Variants in NRXN2 observed in about 807,000 individuals in gnomAD.
NRXN2 encodes neurexin 2, also known as neurexin-2-beta.
In NRXN2, 29 loss-of-function variants were observed where a neutral mutation model predicts 128.8. The ratio of observed to expected loss-of-function variants is 0.23; its 90% CI spans 0.17 to 0.31. The LOEUF (loss-of-function observed/expected upper bound fraction) is 0.31, where lower values mean the gene tolerates loss of function less well. Ranked by LOEUF, NRXN2 falls within the 10% of genes least tolerant of loss-of-function variation. The pLI is 1.00. For synonymous variants in NRXN2, 1,098 were observed against 1,075.2 expected, an observed-to-expected ratio of 1.02 and a Z score of -0.41; for missense variants, 1,881 against 2,452.6, an observed-to-expected ratio of 0.77 and a Z score of 4.92.
At chr11:64,720,252 T>C (rs1196059454) in intron 1 of NRXN2, among the ~76,000 whole-genome samples, 1 of 152,204 alleles carries the variant, frequency 6.6e-6, no homozygotes, top group Admixed American at 6.5e-5. Context: ...ACCAGACTAT[T>C]TGTTGAATGA....
intron 6 of NRXN2, among the ~76,000 whole-genome samples, chr11:64,683,777 A>G (rs1247473448): frequency 1.3e-5 from 2 of 152,202 alleles, no homozygotes; most frequent in Admixed American, 1.3e-4. Flanking sequence ...TTCTGGTAGA[A>G]CAATCCAGGG....
In NRXN2 at chr11:64,635,399, G is replaced by A. The variant is rs1265841462; in HGVS notation, c.3457C>T (p.Pro1153Ser). ...CTCGTGCTGGGCCTGTCATTGGGGG[G>A]CCACGTGTAGGTGATGAGCGCTCCC... ...KGGALITYTW[P>S]PNDRPSTRMD... Residue 1153 changes from proline to serine, a missense_variant, in exon 18 of 23, where the codon CCC becomes TCC. Pro to Ser is a moderately conservative substitution (Grantham distance 74). Coordinates refer to ENST00000265459, the MANE Select transcript of NRXN2 (RefSeq NM_015080.4). The surrounding 1 kb of genome is among the most constrained non-coding windows in gnomAD (Gnocchi z 4.8). 2 of 1,613,836 alleles carry A rather than the reference G, an allele frequency of 1.2e-6. No individual in the cohort carries two copies. Among genetic ancestry groups the A allele is most frequent in the Non-Finnish European group, 1.7e-6 (2 of 1,180,012 alleles).
At chr11:64,719,138 A>T (rs962986583) in intron 1 of NRXN2, among the ~76,000 whole-genome samples, 2 of 152,188 alleles carry the variant, frequency 1.3e-5, no homozygotes, top group Non-Finnish European at 2.9e-5. Flanking sequence ...TGATTTTTTT[A>T]AAACTTCTCA....
chr11:64,682,250 C>T (rs992919097), intron 6 of NRXN2, among the ~76,000 whole-genome samples: 2 of 151,026 alleles, frequency 1.3e-5, no homozygotes, highest in Non-Finnish European at 3.0e-5. Flanking sequence ...TTGGGGACTC[C>T]ATCTCTGGGG....
chr11:64,699,460 T>C (rs1297453881), intron 2 of NRXN2, among the ~76,000 whole-genome samples: 1 of 130,320 alleles, frequency 7.7e-6, no homozygotes, highest in Admixed American at 8.7e-5. Flanking sequence ...GATGGAGTCT[T>C]GCTCTTGTTG....
chr11:64,664,962 C>T (rs1176318108), intron 9 of NRXN2, among the ~76,000 whole-genome samples: 2 of 142,944 alleles, frequency 1.4e-5, no homozygotes, highest in Non-Finnish European at 3.0e-5. Context: ...TGCACTCCAG[C>T]CTGGGCGACA....
At chr11:64,682,371 C>T (rs2052434166) in intron 6 of NRXN2, among the ~76,000 whole-genome samples, 1 of 150,314 alleles carries the variant, frequency 6.7e-6, no homozygotes. Flanking sequence ...TTCTTGGGGA[C>T]TGCATCTTTA....
chr11:64,650,567 T>C lies in NRXN2; in HGVS notation c.2990A>G (p.Asn997Ser), dbSNP rs763903276. 28 of 1,614,050 alleles carry C rather than the reference T, an allele frequency of 1.7e-5. No individual in the cohort carries two copies. Among genetic ancestry groups the C allele is most frequent in the African/African-American group, 2.7e-5 (2 of 74,916 alleles). ...CACCACGTTGTGCCACTGGTTGTCA[T>C]TGACTGGTTTGTCTGAGTTCCCCTT... ...LMKGNSDKPVNDNQWHNVVVS... is the reference protein window; with the variant it reads ...LMKGNSDKPVSDNQWHNVVVS... The change falls in exon 15 of 23, where the codon AAT (asparagine) becomes AGT (serine). Residue 997 changes from asparagine (N) to serine (S), a missense_variant. Asn to Ser is a conservative substitution (Grantham distance 46, BLOSUM62 1). Coordinates refer to ENST00000265459, the MANE Select transcript of NRXN2 (RefSeq NM_015080.4).
rs148754226 is a variant in NRXN2 at position 64,698,833 on chromosome 11, A to G, written c.731-1041T>C. The stretch of plus-strand genomic sequence containing the variant: ...CAGGTTGGGCTCTGATCTTCTTTGT[A>G]AGAGGATGGAGGTGCCCCCAGCTCC... On this transcript the variant is annotated intron_variant, in intron 2 of 22. Transcript: ENST00000265459. Among the ~76,000 whole-genome samples the G allele has an allele frequency of 1.3e-3, 191 of 152,338 alleles. 2 individuals carry two copies. The East Asian group carries it at 0.023, about 18-fold the overall frequency.
At chr11:64,705,880 G>A (rs1224333715) in intron 2 of NRXN2, among the ~76,000 whole-genome samples, 1 of 148,450 alleles carries the variant, frequency 6.7e-6, no homozygotes. Context: ...TACAGTTTCA[G>A]GCTCAGCAAT....
chr11:64,638,883 C>G (rs767562636), intron 17 of NRXN2, among the ~76,000 whole-genome samples: 21 of 152,312 alleles, frequency 1.4e-4, no homozygotes, highest in Non-Finnish European at 2.9e-4. Context: ...ATTCACTCAT[C>G]CAGTGAAATA....
intron 1 of NRXN2, among the ~76,000 whole-genome samples, chr11:64,715,864 G>A (rs1323226505): frequency 6.6e-6 from 1 of 152,182 alleles, no homozygotes; most frequent in Non-Finnish European, 1.5e-5. Flanking sequence ...TAATTAACAT[G>A]TGCGGGCTAA....
intron 20 of NRXN2, among the ~76,000 whole-genome samples, chr11:64,625,101 G>A (rs2042899480): frequency 6.6e-6 from 1 of 152,220 alleles, no homozygotes; most frequent in South Asian, 2.1e-4. Context: ...TTTTCTAGAA[G>A]AGGAAAGTCA....
At chr11:64,676,917 A>G in intron 7 of NRXN2, 76 bp downstream of exon 7, 1 of 1,243,726 alleles carries the variant, frequency 8.0e-7, no homozygotes, top group Non-Finnish European at 1.2e-6. Context: ...AGGGAGAGGA[A>G]ACAAAAGAGG....
intron 6 of NRXN2, among the ~76,000 whole-genome samples, chr11:64,679,170 T>C (rs1484133554): frequency 1.3e-5 from 2 of 152,144 alleles, no homozygotes; most frequent in African/African-American, 2.4e-5. Flanking sequence ...ACGGTAAGTG[T>C]TGTCTGGTAT....
At position 64,622,597 on chromosome 11, in the gene NRXN2, C is replaced by A. The variant is rs757348527; in HGVS notation, c.4173+156G>T. 1.1e-4 allele frequency: 61 copies of A among 575,578 alleles called. No individual in the cohort carries two copies. Among genetic ancestry groups the A allele is most frequent in the Non-Finnish European group, 1.3e-4 (60 of 455,092 alleles). 35.7% of individuals were successfully genotyped at this position (575,578 alleles called of 1,614,324 possible). Reference sequence around the variant, plus strand: ...GGCCACTTCCTGAAAGGTGACCTTGCCCATCGCCATGGCAACAAAGTCAGC... The same window carrying A: ...GGCCACTTCCTGAAAGGTGACCTTGACCATCGCCATGGCAACAAAGTCAGC... On this transcript the variant is annotated intron_variant, in intron 21 of 22. Transcript: ENST00000265459. The surrounding 1 kb of genome is among the most constrained non-coding windows in gnomAD (Gnocchi z 4.3).
At chr11:64,683,321 T>G (rs1462162108) in intron 6 of NRXN2, among the ~76,000 whole-genome samples, 1 of 152,090 alleles carries the variant, frequency 6.6e-6, no homozygotes, top group East Asian at 1.9e-4. Context: ...ACCCAGACAC[T>G]ACAGAAACTT....
intron 2 of NRXN2, among the ~76,000 whole-genome samples, chr11:64,708,571 CTG>C (rs933933101): frequency 6.6e-6 from 1 of 152,180 alleles, no homozygotes; most frequent in Non-Finnish European, 1.5e-5. Flanking sequence ...GGCCAGATCT[CTG>C]AGAGAGAGAG....
At chr11:64,611,517 G>A (rs1280395446) in intron 22 of NRXN2, among the ~76,000 whole-genome samples, 1 of 152,212 alleles carries the variant, frequency 6.6e-6, no homozygotes, top group East Asian at 1.9e-4. Context: ...GCCCTAGAGG[G>A]GCTGACAGGC....
Sources: allele counts gnomAD v4.1 joint callset (sites outside exome capture counted in the v4.1 genomes callset), GRCh38; gene constraint gnomAD v4.1.1; non-coding constraint Gnocchi (gnomAD v3.1); transcripts MANE v1.5; gene names NCBI Gene and HGNC (gene_info 2026-07-23, HGNC 2026-07-21).